STPG2: variants seen among roughly 807,000 people sequenced by gnomAD.
The protein encoded by STPG2 is sperm tail PG-rich repeat containing 2.
In STPG2, 56 loss-of-function variants were observed where a neutral mutation model predicts 54.2. The observed-to-expected ratio is 1.03, with a 90% CI of 0.83 to 1.29. The LOEUF (loss-of-function observed/expected upper bound fraction) is 1.29, where lower values mean the gene tolerates loss of function less well. STPG2 is among the 50% of genes most tolerant of loss of function. The probability of loss-of-function intolerance (pLI) is 0.00; values close to 1 mark genes in which losing one functional copy is unlikely to be tolerated. For missense variants in STPG2, 596 were observed against 544.9 expected, an observed-to-expected ratio of 1.09 and a Z score of -0.93; for synonymous variants, 200 against 181.8, an observed-to-expected ratio of 1.10 and a Z score of -0.81.
intron 9 of STPG2, among the ~76,000 whole-genome samples, chr4:97,799,174 C>T (rs1482978283): frequency 4.7e-5 from 7 of 147,880 alleles, no homozygotes; most frequent in Non-Finnish European, 7.4e-5. Context: ...GAGCATTTAG[C>T]CCATTTACAT....
At chr4:97,844,986 A>G (rs1728906581) in intron 8 of STPG2, among the ~76,000 whole-genome samples, 1 of 151,794 alleles carries the variant, frequency 6.6e-6, no homozygotes, top group South Asian at 2.1e-4. Context: ...ATGTTTTTGT[A>G]CTTTACAACT....
intron 10 of STPG2, among the ~76,000 whole-genome samples, chr4:97,588,933 A>G (rs902373022): frequency 3.3e-5 from 5 of 152,092 alleles, no homozygotes; most frequent in African/African-American, 1.2e-4. Context: ...CCCACACAAA[A>G]TTTTGGAATT....
At chr4:97,922,932 C>T (rs1732162365) in intron 8 of STPG2, among the ~76,000 whole-genome samples, 2 of 152,174 alleles carry the variant, frequency 1.3e-5, no homozygotes, top group Non-Finnish European at 2.9e-5. Flanking sequence ...TATACTCCTC[C>T]TTGCATCTCT....
intron 5 of STPG2, among the ~76,000 whole-genome samples, chr4:97,998,705 A>G (rs113235794): frequency 6.6e-6 from 1 of 152,282 alleles, no homozygotes; most frequent in African/African-American, 2.4e-5. Flanking sequence ...GCTAATCAAT[A>G]ACAGTGAAAG....
At chr4:97,601,466 G>A (rs1396833229) in intron 10 of STPG2, among the ~76,000 whole-genome samples, 1 of 151,878 alleles carries the variant, frequency 6.6e-6, no homozygotes, top group Non-Finnish European at 1.5e-5. Flanking sequence ...ATGGCATGTT[G>A]TAAAAATCCA....
At chr4:97,634,575 G>T (rs567847483) in intron 10 of STPG2, among the ~76,000 whole-genome samples, 1 of 150,432 alleles carries the variant, frequency 6.6e-6, no homozygotes, top group Admixed American at 6.6e-5. Flanking sequence ...CAAAGGCAAA[G>T]AAGTTGAAAA....
At chr4:97,698,885 T>C (rs1723674331) in intron 10 of STPG2, among the ~76,000 whole-genome samples, 2 of 152,208 alleles carry the variant, frequency 1.3e-5, no homozygotes, top group Admixed American at 6.5e-5. Context: ...GCCACACTTC[T>C]TTAGCCATAA....
intron 7 of STPG2, among the ~76,000 whole-genome samples, chr4:97,953,595 C>A (rs1028314947): frequency 1.3e-5 from 2 of 152,200 alleles, no homozygotes; most frequent in Admixed American, 6.5e-5. Flanking sequence ...ACACTGGAGA[C>A]CAAAAATGCC....
chr4:97,931,286 C>A (rs922592230), intron 8 of STPG2, among the ~76,000 whole-genome samples: 1 of 152,150 alleles, frequency 6.6e-6, no homozygotes, highest in Non-Finnish European at 1.5e-5. Context: ...ATACTTCCAG[C>A]TTTTGTGCAA....
rs112645063 is a variant in STPG2 at position 97,868,666 on chromosome 4, G to A, written c.1045-27734C>T. On this transcript the variant is annotated intron_variant, in intron 8 of 10. Transcript: ENST00000295268. The stretch of plus-strand genomic sequence containing the variant: ...CCTTTACATTTTCTGGGTTTGTGCC[G>A]TCTCATTTACAACTCCCCATCTCAG... Among the ~76,000 whole-genome samples the A allele has an allele frequency of 5.8e-3, 882 of 151,772 alleles. 5 individuals carry two copies. Among genetic ancestry groups the A allele is most frequent in the Middle Eastern group, 0.02 (6 of 294 alleles).
intron 5 of STPG2, among the ~76,000 whole-genome samples, chr4:98,081,275 G>A (rs531396284): frequency 6.8e-4 from 103 of 152,284 alleles, no homozygotes; most frequent in Non-Finnish European, 1.2e-3. Context: ...GTATCAGTGT[G>A]TGTTGAGCCC....
intron 5 of STPG2, among the ~76,000 whole-genome samples, chr4:98,085,755 T>C (rs1386645748): frequency 2.6e-5 from 4 of 152,046 alleles, no homozygotes; most frequent in Non-Finnish European, 4.4e-5. Context: ...TACTCACTTA[T>C]TAGTTCCGGT....
chr4:97,850,382 G>C (rs1016968348), intron 8 of STPG2, among the ~76,000 whole-genome samples: 9 of 151,274 alleles, frequency 5.9e-5, no homozygotes, highest in African/African-American at 1.9e-4. Context: ...AAAAGAAAAA[G>C]AAAACTTAAT....
Position 97,799,273 on chromosome 4 carries a change from A to C in STPG2, c.1204+41500T>G, listed in dbSNP as rs576380524. Reference sequence around the variant, plus strand: ...CTCGTTATTGATGCAGTTTCTTCCTAGCATCGATGGTCTTTACAGTTTGGC... The same window carrying C: ...CTCGTTATTGATGCAGTTTCTTCCTCGCATCGATGGTCTTTACAGTTTGGC... On this transcript the variant is annotated intron_variant, in intron 9 of 10. Transcript: ENST00000295268. Among the ~76,000 whole-genome samples the C allele has an allele frequency of 2.8e-3, 423 of 152,282 alleles. 4 individuals carry two copies. Among genetic ancestry groups the C allele is most frequent in the African/African-American group, 9.3e-3 (386 of 41,536 alleles).
Position 97,802,373 on chromosome 4 carries a change from G to A in STPG2, c.1204+38400C>T, listed in dbSNP as rs374015402. Among the ~76,000 whole-genome samples the A allele has an allele frequency of 9.9e-5, 15 of 152,122 alleles. No individual in the cohort carries two copies. In the East Asian group the frequency reaches 2.9e-3, roughly 29 times the overall value. ...AAGGATGTCAGAAGTACTCCATTCT[G>A]GTCTCCTTCAGTGTTTTCTCTACAC... On this transcript the variant is annotated intron_variant, in intron 9 of 10. Coordinates refer to ENST00000295268, the MANE Select transcript of STPG2 (RefSeq NM_174952.3).
chr4:97,869,954 A>T (rs1729927446), intron 8 of STPG2, among the ~76,000 whole-genome samples: 1 of 151,586 alleles, frequency 6.6e-6, no homozygotes, highest in Admixed American at 6.6e-5. Flanking sequence ...CTTGCAATTC[A>T]GTGCTCTGTA....
chr4:97,837,906 T>A (rs1728678568), intron 9 of STPG2, among the ~76,000 whole-genome samples: 1 of 151,618 alleles, frequency 6.6e-6, no homozygotes, highest in Non-Finnish European at 1.5e-5. Context: ...CACTTTTACC[T>A]ACAAATGTAA....
At chr4:97,831,846 A>T (rs1277236797) in intron 9 of STPG2, among the ~76,000 whole-genome samples, 1 of 152,206 alleles carries the variant, frequency 6.6e-6, no homozygotes, top group African/African-American at 2.4e-5. Context: ...TGAATAGACC[A>T]ATAACAAGTT....
At chr4:97,949,406 G>A (rs569567609) in intron 7 of STPG2, among the ~76,000 whole-genome samples, 7 of 151,956 alleles carry the variant, frequency 4.6e-5, no homozygotes, top group Admixed American at 1.3e-4. Flanking sequence ...GGACCATTAC[G>A]CCATTTACGT....
Sources: gnomAD v4.1 joint callset for allele counts (sites outside exome capture counted in the v4.1 genomes callset) on GRCh38, gnomAD v4.1.1 for gene constraint, MANE v1.5 for transcripts, NCBI Gene and HGNC (gene_info 2026-07-23, HGNC 2026-07-21) for gene names.